Variants in HK1 observed in about 807,000 individuals in gnomAD.
The protein encoded by HK1 is hexokinase-1.
A neutral mutation model predicts 91.6 loss-of-function variants in HK1; 28 were observed. That is an observed-to-expected ratio of 0.31 (90% CI 0.23 to 0.42). The LOEUF (loss-of-function observed/expected upper bound fraction) is 0.42. Ranked by LOEUF, HK1 falls within the 10% of genes least tolerant of loss-of-function variation. The pLI is 1.00. For synonymous variants in HK1, 430 were observed against 468.1 expected (o/e 0.92, Z 1.05); for missense variants, 770 against 1,219.8 (o/e 0.63, Z 5.49).
upstream of HK1, among the ~76,000 whole-genome samples, chr10:69,312,430 A>G (rs1469703320): frequency 1.3e-5 from 2 of 151,796 alleles, no homozygotes; most frequent in Non-Finnish European, 2.9e-5. Flanking sequence ...AGAGAGATGG[A>G]GTTTCACCAT....
chr10:69,291,286 T>C (rs904041270), intron 3 of HK1, among the ~76,000 whole-genome samples: 1 of 152,222 alleles, frequency 6.6e-6, no homozygotes, highest in Non-Finnish European at 1.5e-5. Flanking sequence ...TCTTTGGTGC[T>C]TGGAGGTCCA....
chr10:69,308,054 G>A (rs918408825), intron 5 of HK1, among the ~76,000 whole-genome samples: 1 of 152,084 alleles, frequency 6.6e-6, no homozygotes, highest in African/African-American at 2.4e-5. Context: ...TGCCAAGCTG[G>A]TTTTGAACTC....
chr10:69,351,388 A>AAT (rs1397808222), intron 2 of HK1, among the ~76,000 whole-genome samples: 2 of 152,112 alleles, frequency 1.3e-5, no homozygotes, highest in African/African-American at 4.8e-5. Context: ...GGGTGGCTGT[A>AAT]ATCCCAGCTA....
chr10:69,365,654 G>A (rs1034056149), intron 4 of HK1, among the ~76,000 whole-genome samples: 10 of 152,090 alleles, frequency 6.6e-5, no homozygotes, highest in Non-Finnish European at 1.2e-4. Context: ...GAAGCAGAAG[G>A]ATCACTTAAG....
Position 69,381,000 on chromosome 10 carries a change from G to A in HK1, c.1265+905G>A, listed in dbSNP as rs531816453. On this transcript the variant is annotated intron_variant, in intron 9 of 17. Transcript: ENST00000359426. This position sits in a 1 kb window ranked among gnomAD's most constrained non-coding sequence, Gnocchi z 4.0. Reference sequence around the variant, plus strand: ...TTCTGTTGATGGCTCAAAGAATGTCGACTTCAATTGAAATAGTTCTGGCCT... The same window carrying A: ...TTCTGTTGATGGCTCAAAGAATGTCAACTTCAATTGAAATAGTTCTGGCCT... 3.3e-5 allele frequency among the ~76,000 whole-genome samples: 5 copies of A among 152,220 alleles called. No individual in the cohort carries two copies. Among genetic ancestry groups the A allele is most frequent in the African/African-American group, 1.2e-4 (5 of 41,520 alleles).
intron 5 of HK1, among the ~76,000 whole-genome samples, chr10:69,303,490 G>A (rs1349608736): frequency 1.3e-5 from 2 of 151,994 alleles, no homozygotes; most frequent in African/African-American, 2.4e-5. Flanking sequence ...GTTTCCCCAG[G>A]ACTATTTCTC....
rs751779082 is a variant in HK1, at chr10:69,382,468, TC to T, written c.1266-13del. 5 of 1,613,554 alleles carry T rather than the reference TC, an allele frequency of 3.1e-6. No individual in the cohort carries two copies. The highest frequency in any genetic ancestry group is 4.2e-6 in the Non-Finnish European group (5 of 1,179,646). On this transcript the variant is annotated intron_variant, in intron 9 of 17. Coordinates refer to ENST00000359426, the MANE Select transcript of HK1 (RefSeq NM_000188.3). ...TGCTCAGTCCAGCTGTTGTGGAATG[TC>T]CCCCCTGCCCCCATAAGGTATTCCC...
Position 69,286,635 on chromosome 10 carries a change from G to A in HK1, c.-214-2036G>A, listed in dbSNP as rs573933787. On this transcript the variant is annotated intron_variant, in intron 2 of 21. Transcript: ENST00000360289. ...GCAATCTCGGCTCACTGCAACCTCC[G>A]CCTCCCAGGTTCAAGGGATTCTCCT... 8.0e-5 allele frequency among the ~76,000 whole-genome samples: 12 copies of A among 150,804 alleles called. No homozygotes were observed. In the South Asian group the frequency reaches 2.3e-3, roughly 29 times the overall value.
intron 1 of HK1, among the ~76,000 whole-genome samples, chr10:69,330,115 C>G (rs1056620558): frequency 6.6e-6 from 1 of 152,082 alleles, no homozygotes; most frequent in South Asian, 2.1e-4. Context: ...AAGCAGCTGT[C>G]GATTCCATCA....
intron 2 of HK1, among the ~76,000 whole-genome samples, chr10:69,351,882 A>T (rs1327265907): frequency 1.3e-5 from 2 of 152,218 alleles, no homozygotes; most frequent in African/African-American, 2.4e-5. Context: ...ATTGGTACAG[A>T]AAGACTCAGT....
At chr10:69,342,445 T>TA (rs1848341251) in intron 1 of HK1, among the ~76,000 whole-genome samples, 1 of 152,146 alleles carries the variant, frequency 6.6e-6, no homozygotes, top group Non-Finnish European at 1.5e-5. Flanking sequence ...CCTTGAAGGT[T>TA]AGGTGAGCTG....
intron 2 of HK1, among the ~76,000 whole-genome samples, chr10:69,283,425 A>G (rs534667116): frequency 1.3e-5 from 2 of 151,734 alleles, no homozygotes; most frequent in African/African-American, 4.8e-5. Flanking sequence ...ACTGCACTCC[A>G]GCCTGGGTGA....
intron 2 of HK1, among the ~76,000 whole-genome samples, chr10:69,349,200 C>G (rs1274503645): frequency 6.6e-6 from 1 of 152,218 alleles, no homozygotes; most frequent in Non-Finnish European, 1.5e-5. Flanking sequence ...AAATAAAAAT[C>G]TAGAACACTG....
intron 1 of HK1, among the ~76,000 whole-genome samples, chr10:69,273,887 C>A (rs1844308794): frequency 6.6e-6 from 1 of 151,928 alleles, no homozygotes; most frequent in Non-Finnish European, 1.5e-5. Context: ...TTACAAAAAT[C>A]ATCTTAAAGT....
Position 69,369,706 on chromosome 10 carries a change from G to A in HK1, c.875+82G>A, listed in dbSNP as rs757620882. On this transcript the variant is annotated intron_variant, in intron 7 of 17. Transcript: ENST00000359426. The surrounding 1 kb of genome is among the most constrained non-coding windows in gnomAD (Gnocchi z 4.4). The stretch of plus-strand genomic sequence containing the variant: ...AAGATTTGGGATGGGAGATGAAAAG[G>A]GCATAAAGCCAAGTGATCACAAACA... The A allele has an allele frequency of 1.0e-5, 13 of 1,298,374 alleles. No homozygotes were observed. In the African/African-American group the frequency reaches 1.0e-4, roughly 10 times the overall value. 80.4% of individuals were successfully genotyped at this position (1,298,374 alleles called of 1,614,324 possible).
intron 3 of HK1, among the ~76,000 whole-genome samples, chr10:69,293,324 A>G (rs981706376): frequency 1.3e-5 from 2 of 152,164 alleles, no homozygotes; most frequent in African/African-American, 2.4e-5. Flanking sequence ...GTTCACCTCC[A>G]ATAGGTCTAG....
Position 69,359,955 on chromosome 10 carries a change from G to A in HK1, c.285G>A (p.Val95=), listed in dbSNP as rs1383795727. The change falls in exon 3 of 18, where the codon GTG becomes GTA. Residue 95 remains valine, a synonymous_variant. Transcript: ENST00000359426. The part of the protein sequence containing the change: ...LGGSSFRILR[V]QVNHEKNQNV... ...GGTCTTCCTTTCGAATTCTGCGGGT[G>A]CAAGTGAATCATGAGAAAAACCAGA... The A allele has an allele frequency of 6.8e-6, 11 of 1,614,060 alleles. No individual in the cohort carries two copies. Among genetic ancestry groups the A allele is most frequent in the Non-Finnish European group, 9.3e-6 (11 of 1,179,896 alleles).
chr10:69,304,537 A>G (rs913516572), intron 5 of HK1, among the ~76,000 whole-genome samples: 10 of 152,104 alleles, frequency 6.6e-5, no homozygotes, highest in Non-Finnish European at 4.4e-5. Flanking sequence ...CGAACTCCTG[A>G]CCTCAAGTGA....
At chr10:69,292,325 A>G in intron 3 of HK1, 1 of 440,834 alleles carries the variant, frequency 2.3e-6, no homozygotes, top group South Asian at 1.6e-5. Context: ...CTCCTGCCTC[A>G]GCCTCCTAAA....
Sources: gnomAD v4.1 joint callset for allele counts (sites outside exome capture counted in the v4.1 genomes callset) on GRCh38, gnomAD v4.1.1 for gene constraint, Gnocchi (gnomAD v3.1) non-coding constraint, MANE v1.5 for transcripts, NCBI Gene and HGNC (gene_info 2026-07-23, HGNC 2026-07-21) for gene names.